CUX1: variants seen among roughly 807,000 people sequenced by gnomAD.
CUX1 encodes the protein cut like homeobox 1, also known as protein CASP.
In CUX1, 31 loss-of-function variants were observed where a neutral mutation model predicts 158.8. The ratio of observed to expected loss-of-function variants is 0.20; its 90% confidence interval spans 0.15 to 0.26. The LOEUF (loss-of-function observed/expected upper bound fraction) is 0.26, where lower values mean the gene tolerates loss of function less well. CUX1 is among the 10% of genes least tolerant of loss of function. CUX1 has a pLI of 1.00. For synonymous variants in CUX1, 879 were observed against 862.1 expected (o/e 1.02, Z -0.34); for missense variants, 1,589 against 2,014.6 (o/e 0.79, Z 4.04).
chr7:102,144,403 C>G (rs1289468754), intron 8 of CUX1, among the ~76,000 whole-genome samples: 2 of 152,126 alleles, frequency 1.3e-5, no homozygotes, highest in African/African-American at 4.8e-5. Flanking sequence ...TCTCACCTGT[C>G]CCCACTCCTG....
At chr7:102,065,221 C>T (rs1271216357) in intron 3 of CUX1, among the ~76,000 whole-genome samples, 1 of 151,990 alleles carries the variant, frequency 6.6e-6, no homozygotes, top group Non-Finnish European at 1.5e-5. Context: ...GCTGGGACTA[C>T]AGGCGTGTAC....
At chr7:102,274,393 A>T (rs1354090869) in intron 16 of CUX1, 1 of 1,221,686 alleles carries the variant, frequency 8.2e-7, no homozygotes, top group Non-Finnish European at 1.2e-6. Context: ...CAGATCCCCA[A>T]AGAGTAGTCC....
intron 4 of CUX1, among the ~76,000 whole-genome samples, chr7:102,083,990 A>G (rs1254347911): frequency 1.4e-5 from 2 of 145,926 alleles, no homozygotes; most frequent in Non-Finnish European, 3.1e-5. Context: ...GATTCAAGCA[A>G]TTCTCCTGTC....
At chr7:102,263,991 C>A (rs530469577) in intron 14 of CUX1, among the ~76,000 whole-genome samples, 1 of 139,492 alleles carries the variant, frequency 7.2e-6, no homozygotes, top group African/African-American at 2.7e-5. Context: ...TATTCCCAGA[C>A]AGAAGTTAAC....
At chr7:102,029,994 G>C (rs779037461) in intron 3 of CUX1, among the ~76,000 whole-genome samples, 15 of 151,182 alleles carry the variant, frequency 9.9e-5, no homozygotes, top group Non-Finnish European at 1.8e-4. Context: ...GGAAAGATTA[G>C]TACAGTGAAT....
chr7:102,263,041 T>G, downstream of CUX1, among the ~76,000 whole-genome samples: 1 of 144,212 alleles, frequency 6.9e-6, no homozygotes, highest in Non-Finnish European at 1.5e-5. Context: ...GGAGATGAAG[T>G]CTTACTCTGT....
intron 20 of CUX1, among the ~76,000 whole-genome samples, chr7:102,211,547 G>A (rs963783232): frequency 4.6e-5 from 7 of 151,902 alleles, no homozygotes; most frequent in Non-Finnish European, 8.8e-5. Flanking sequence ...TTGAGAGGCC[G>A]AGGCAGGTGC....
chr7:102,227,088 G>A (rs1345206599), intron 20 of CUX1, among the ~76,000 whole-genome samples: 3 of 152,044 alleles, frequency 2.0e-5, no homozygotes, highest in African/African-American at 7.2e-5. Context: ...ATTAATAGGA[G>A]TTTTTTTAGC....
At chr7:101,931,097 C>G (rs1398658234) in intron 2 of CUX1, among the ~76,000 whole-genome samples, 4 of 152,160 alleles carry the variant, frequency 2.6e-5, no homozygotes, top group Non-Finnish European at 1.5e-5. Context: ...CTCCGAGGTT[C>G]TGTGTGGCTG....
rs1554538052 is a variant in CUX1 at position 102,248,720 on chromosome 7, C to T, written c.4196C>T (p.Pro1399Leu). 3.4e-6 allele frequency: 4 copies of T among 1,170,048 alleles called. No homozygotes were observed. The highest frequency in any genetic ancestry group is 1.7e-5 in the African/African-American group (1 of 59,696). The allele number at this position is 1,170,048 out of a possible 1,614,324, so 72.5% of individuals were successfully genotyped here. ...CACGAGGGAGGCCCCGTGGAAGGCCCGGGGCCCCTGCCCAGCCCCGCCTCC... is the reference window on the plus strand; with the variant it reads ...CACGAGGGAGGCCCCGTGGAAGGCCTGGGGCCCCTGCCCAGCCCCGCCTCC... The part of the protein sequence containing the change: ...DDHEGGPVEG[P>L]GPLPSPASAT... Residue 1399 changes from proline (P) to leucine (L), a missense_variant, in exon 24 of 24, where the codon CCG becomes CTG. Physicochemically the swap from Pro to Leu is moderately conservative, Grantham distance 98 (BLOSUM62 -3). Transcript: ENST00000292535. This position sits in a 1 kb window ranked among gnomAD's most constrained non-coding sequence, Gnocchi z 5.8.
intron 2 of CUX1, among the ~76,000 whole-genome samples, chr7:102,003,751 T>A (rs1032365648): frequency 6.6e-6 from 1 of 152,202 alleles, no homozygotes. Flanking sequence ...AGCCAAGATG[T>A]CACTTACATG....
chr7:102,171,568 C>G lies in CUX1; in HGVS notation c.828+1018C>G, dbSNP rs13229314. 2.6e-5 allele frequency among the ~76,000 whole-genome samples: 4 copies of G among 152,082 alleles called. No homozygotes were observed. The South Asian group carries it at 6.2e-4, about 24-fold the overall frequency. On this transcript the variant is annotated intron_variant, in intron 10 of 23. Coordinates refer to ENST00000292535, the MANE Select transcript of CUX1 (RefSeq NM_181552.4). ...GCTCAAGGGATCCTCCCAGCTCAAC[C>G]TCCCGAGTAGCTGGGACTGCAGGCG...
At chr7:102,150,805 C>A (rs1236947649) in intron 8 of CUX1, among the ~76,000 whole-genome samples, 1 of 152,220 alleles carries the variant, frequency 6.6e-6, no homozygotes, top group Non-Finnish European at 1.5e-5. Context: ...GAACGAACTA[C>A]ATATTCTAGG....
chr7:102,106,087 T>TC (rs1433849764), intron 6 of CUX1, among the ~76,000 whole-genome samples: 1 of 124,540 alleles, frequency 8.0e-6, no homozygotes, highest in African/African-American at 3.1e-5. Context: ...TTCTTTTTTT[T>TC]TTTTTTTTTT....
At chr7:101,858,591 T>C (rs1262983269) in intron 1 of CUX1, among the ~76,000 whole-genome samples, 1 of 152,020 alleles carries the variant, frequency 6.6e-6, no homozygotes, top group African/African-American at 2.4e-5. Flanking sequence ...GTGAGCCCTA[T>C]GTTGAGTGAG....
At chr7:102,154,920 C>T (rs949129152) in intron 8 of CUX1, among the ~76,000 whole-genome samples, 1 of 152,242 alleles carries the variant, frequency 6.6e-6, no homozygotes, top group Non-Finnish European at 1.5e-5. Context: ...GACCAGTCCC[C>T]ATCCACCTCC....
chr7:102,026,106 GA>G (rs1819994146), intron 2 of CUX1, among the ~76,000 whole-genome samples: 1 of 152,060 alleles, frequency 6.6e-6, no homozygotes, highest in South Asian at 2.1e-4. Flanking sequence ...TTGAACCCAG[GA>G]AGTTGAGGCT....
chr7:101,937,092 A>T (rs1386939848), intron 2 of CUX1, among the ~76,000 whole-genome samples: 1 of 151,886 alleles, frequency 6.6e-6, no homozygotes, highest in Non-Finnish European at 1.5e-5. Flanking sequence ...CTTCCTCCAG[A>T]TGCTGATTGA....
rs111487536 is a variant in CUX1 at position 102,099,475 on chromosome 7, GT to G, written c.406+1988del. ...CGCTACCCTAAAGGGGAGTATCCTG[GT>G]TTTTTTTTTTTTTCCCCTTCATTGT... On this transcript the variant is annotated intron_variant, in intron 5 of 23. Coordinates refer to ENST00000292535, the MANE Select transcript of CUX1 (RefSeq NM_181552.4). Among the ~76,000 whole-genome samples, 145 of 142,774 alleles carry G rather than the reference GT, an allele frequency of 1.0e-3. 1 individual carries two copies. In the East Asian group the frequency reaches 0.017, roughly 17 times the overall value. The allele number at this position is 142,774 out of a possible 152,430, so 93.7% of individuals were successfully genotyped here.
Sources: allele counts gnomAD v4.1 joint callset (sites outside exome capture counted in the v4.1 genomes callset), GRCh38; gene constraint gnomAD v4.1.1; non-coding constraint Gnocchi (gnomAD v3.1); transcripts MANE v1.5; gene names NCBI Gene and HGNC (gene_info 2026-07-23, HGNC 2026-07-21).